The following IBTK variants were observed in gnomAD, a reference collection of about 807,000 sequenced individuals.
IBTK encodes inhibitor of Bruton tyrosine kinase, also known as BTK-binding protein.
A neutral mutation model predicts 154.9 loss-of-function variants in IBTK; 83 were observed. The ratio of observed to expected loss-of-function variants is 0.54; its 90% CI spans 0.45 to 0.64. IBTK has a LOEUF of 0.64. Among genes scored for constraint, IBTK ranks in the 30% least tolerant of loss-of-function variants. The pLI, the probability that IBTK is intolerant of heterozygous loss-of-function variation, is 0.00. For synonymous variants in IBTK, 515 were observed against 536.1 expected (o/e 0.96, Z 0.54); for missense variants, 1,332 against 1,584.6 (o/e 0.84, Z 2.71).
intron 24 of IBTK, 104 bp downstream of exon 24, chr6:82,191,683 T>C: frequency 1.3e-6 from 1 of 775,584 alleles, no homozygotes; most frequent in South Asian, 1.4e-5. Flanking sequence ...TAATTAACTA[T>C]AACATCAAAT....
chr6:82,231,183 A>G (rs1325313509), intron 4 of IBTK, among the ~76,000 whole-genome samples: 1 of 152,190 alleles, frequency 6.6e-6, no homozygotes, highest in Non-Finnish European at 1.5e-5. Context: ...CTGTCATCCA[A>G]CTTCACATAA....
chr6:82,223,862 A>T (rs1770194859), intron 7 of IBTK, among the ~76,000 whole-genome samples: 1 of 152,124 alleles, frequency 6.6e-6, no homozygotes, highest in Non-Finnish European at 1.5e-5. Context: ...AGATGGGAGG[A>T]TCGTTTGAGC....
intron 21 of IBTK, among the ~76,000 whole-genome samples, chr6:82,198,180 A>C (rs1769069980): frequency 6.6e-6 from 1 of 152,194 alleles, no homozygotes; most frequent in Non-Finnish European, 1.5e-5. Flanking sequence ...ATATGGTAAC[A>C]ATAACATTAT....
At chr6:82,177,189 C>T (rs1001643936) in intron 26 of IBTK, among the ~76,000 whole-genome samples, 8 of 144,606 alleles carry the variant, frequency 5.5e-5, no homozygotes, top group Non-Finnish European at 1.2e-4. Flanking sequence ...ATCGTAATTT[C>T]TTTTTGTTTT....
At chr6:82,227,539 A>G (rs1770340709) in intron 4 of IBTK, among the ~76,000 whole-genome samples, 1 of 152,186 alleles carries the variant, frequency 6.6e-6, no homozygotes, top group African/African-American at 2.4e-5. Context: ...AGAAAGAATT[A>G]AGCATGTGTT....
intron 2 of IBTK, among the ~76,000 whole-genome samples, chr6:82,237,574 CAGT>C (rs1357939991): frequency 4.5e-4 from 50 of 109,948 alleles, no homozygotes; most frequent in Middle Eastern, 0.011. Flanking sequence ...GCAGCAGCAG[CAGT>C]AGTAGTAGTA....
chr6:82,231,522 G>A (rs1359141497), intron 4 of IBTK, among the ~76,000 whole-genome samples, 196 bp downstream of exon 4: 1 of 151,978 alleles, frequency 6.6e-6, no homozygotes, highest in African/African-American at 2.4e-5. Flanking sequence ...ATATTTTAGG[G>A]TATTTTACAA....
In IBTK at chr6:82,196,309, C is replaced by T. The variant is rs867416502; in HGVS notation, c.3163G>A (p.Asp1055Asn). Residue 1055 changes from aspartate (D) to asparagine (N), a missense_variant, in exon 22 of 29, where the codon GAT (aspartate) becomes AAT (asparagine). Coordinates refer to ENST00000306270, the MANE Select transcript of IBTK (RefSeq NM_015525.4). ...TTCAAAAAACAAACCTCAATCTTATCTGAATGAAATCCTGTTGTGAAATCA... is the reference window on the plus strand; with the variant it reads ...TTCAAAAAACAAACCTCAATCTTATTTGAATGAAATCCTGTTGTGAAATCA... ...SPDFTTGFHSDKIEAKVKPYV... is the reference protein window; with the variant it reads ...SPDFTTGFHSNKIEAKVKPYV... 1.9e-6 allele frequency: 3 copies of T among 1,603,458 alleles called. No homozygotes were observed. In the Middle Eastern group the frequency reaches 5.0e-4, roughly 266 times the overall value.
intron 23 of IBTK, 79 bp downstream of exon 23, chr6:82,194,397 TTCA>T (rs1303068815): frequency 1.1e-6 from 1 of 937,940 alleles, no homozygotes; most frequent in East Asian, 3.0e-5. Context: ...TTCTTAAATG[TTCA>T]TCATTAAAAA....
chr6:82,188,961 C>A, intron 25 of IBTK: 1 of 399,938 alleles, frequency 2.5e-6, no homozygotes, highest in Non-Finnish European at 4.9e-6. Context: ...ACCTAGGAGG[C>A]GGAGGTTGCA....
At chr6:82,235,515 A>G (rs894798811) in intron 2 of IBTK, among the ~76,000 whole-genome samples, 2 of 151,896 alleles carry the variant, frequency 1.3e-5, no homozygotes, top group Non-Finnish European at 2.9e-5. Context: ...AATCACTTGA[A>G]CCCGGGACAC....
At chr6:82,203,630 C>T (rs148692372) in intron 17 of IBTK, among the ~76,000 whole-genome samples, 1 of 151,964 alleles carries the variant, frequency 6.6e-6, no homozygotes, top group Admixed American at 6.5e-5. Flanking sequence ...AATCAGAGAC[C>T]AAAGGAGGTG....
intron 17 of IBTK, among the ~76,000 whole-genome samples, chr6:82,204,027 A>C (rs1039473481): frequency 6.6e-6 from 1 of 152,178 alleles, no homozygotes; most frequent in Non-Finnish European, 1.5e-5. Flanking sequence ...AAGATTAGAA[A>C]GTCAAAAAGG....
intron 22 of IBTK, among the ~76,000 whole-genome samples, chr6:82,195,818 A>G (rs955270121): frequency 6.6e-6 from 1 of 152,200 alleles, no homozygotes; most frequent in Non-Finnish European, 1.5e-5. Context: ...TAGGCTAGGA[A>G]TCCTGCAGCT....
rs1414005532 is a variant in IBTK at position 82,191,852 on chromosome 6, G to A, written c.3366C>T (p.Leu1122=). The part of the protein sequence containing the change: ...FSPVSPPVVD[L]RTIMEIEESR... ...TTTCTTCTATTTCCATGATAGTTCT[G>A]AGATCCACAACAGGAGGGCTGACAG... The change falls in exon 24 of 29, where the codon CTC becomes CTT. Residue 1122 remains leucine, a synonymous_variant. Coordinates refer to ENST00000306270, the MANE Select transcript of IBTK (RefSeq NM_015525.4). 1 of 1,611,254 alleles carries A rather than the reference G, an allele frequency of 6.2e-7. No homozygotes were observed. The highest frequency in any genetic ancestry group is 1.7e-4 in the Middle Eastern group (1 of 6,052).
intron 16 of IBTK, among the ~76,000 whole-genome samples, chr6:82,210,161 A>C (rs1769575747): frequency 6.6e-6 from 1 of 152,182 alleles, no homozygotes; most frequent in African/African-American, 2.4e-5. Context: ...TACAATTTTT[A>C]ATCTGTTTCT....
At position 82,218,051 on chromosome 6, in the gene IBTK, T is replaced by C. The variant is rs765578705; in HGVS notation, c.1335A>G (p.Leu445=). Reference sequence around the variant, plus strand: ...TAACAAATAGAATTTCATTTCTATTTAAAGCAATATCAGAAATGAAGACCT... The same window carrying C: ...TAACAAATAGAATTTCATTTCTATTCAAAGCAATATCAGAAATGAAGACCT... ...PRQVFISDIA[L]NRNEILFVTQ... is the part of the protein sequence containing the mutation. The change falls in exon 10 of 29, where the codon TTA becomes TTG. Residue 445 remains leucine (L), a synonymous_variant. Coordinates refer to ENST00000306270, the MANE Select transcript of IBTK (RefSeq NM_015525.4). 9.3e-6 allele frequency: 15 copies of C among 1,612,472 alleles called. No homozygotes were observed. The South Asian group carries it at 1.5e-4, about 17-fold the overall frequency.
intron 26 of IBTK, among the ~76,000 whole-genome samples, chr6:82,180,375 G>A (rs1049699276): frequency 1.4e-4 from 22 of 152,044 alleles, no homozygotes; most frequent in Non-Finnish European, 2.2e-4. Flanking sequence ...CTCCTGAATA[G>A]CTGGGACTAC....
intron 1 of IBTK, 24 bp from the exon 2 acceptor site, chr6:82,240,867 AT>A: frequency 4.9e-6 from 2 of 405,448 alleles, no homozygotes; most frequent in East Asian, 7.1e-5. Flanking sequence ...AGAAGAGAAA[AT>A]AAAAATTCAA....
Sources: gnomAD v4.1 joint callset for allele counts (sites outside exome capture counted in the v4.1 genomes callset) on GRCh38, gnomAD v4.1.1 for gene constraint, MANE v1.5 for transcripts, NCBI Gene and HGNC (gene_info 2026-07-23, HGNC 2026-07-21) for gene names.